Variants in RPS6KA3 observed in about 807,000 individuals in gnomAD.
RPS6KA3 encodes ribosomal protein S6 kinase A3.
RPS6KA3 carries 4 observed loss-of-function variants against 67.2 expected under a neutral mutation model. That is an observed-to-expected ratio of 0.06 (90% CI 0.03 to 0.14). RPS6KA3 has a LOEUF of 0.14. RPS6KA3 is among the 10% of genes least tolerant of loss of function. The pLI, the probability that RPS6KA3 is intolerant of heterozygous loss-of-function variation, is 1.00. For missense variants in RPS6KA3, 204 were observed against 559.0 expected (o/e 0.36, Z 6.40); for synonymous variants, 182 against 183.7 (o/e 0.99, Z 0.07).
intron 20 of RPS6KA3, among the ~76,000 whole-genome samples, chrX:20,158,935 CAT>C (rs1279942545): frequency 1.8e-5 from 2 of 111,711 alleles, no homozygotes; most frequent in African/African-American, 6.5e-5. Context: ...GACCTATAAC[CAT>C]ATAGACAGTT....
At chrX:20,223,329 C>G (rs1294900090) in intron 2 of RPS6KA3, among the ~76,000 whole-genome samples, 1 of 110,973 alleles carries the variant, frequency 9.0e-6, no homozygotes, top group African/African-American at 3.3e-5. Flanking sequence ...ACTTAAAGAC[C>G]ACAGAGTGAT....
rs183562126 is a variant in RPS6KA3, at chrX:20,194,123, C to T, written c.486+66G>A. 50 of 696,449 alleles carry T rather than the reference C, an allele frequency of 7.2e-5. No homozygotes were observed. The East Asian group carries it at 1.7e-3, about 23-fold the overall frequency. The allele number at this position is 696,449 out of a possible 1,213,427, so 57.4% of individuals were successfully genotyped here. On this transcript the variant is annotated intron_variant, in intron 6 of 21. Transcript: ENST00000379565. ...AAATACAGTAAGCATAATACTGAAA[C>T]ATAACAAAGCTTTAGTTCAAACAGG...
At position 20,153,279 on chromosome X, in the gene RPS6KA3, T is replaced by C. The variant is rs766570191; in HGVS notation, c.*2119A>G. On this transcript the variant is annotated 3_prime_UTR_variant, in exon 22 of 22. Coordinates refer to ENST00000379565, the MANE Select transcript of RPS6KA3 (RefSeq NM_004586.3). ...GGAAAGCAGCTTTTAATAGCATCCA[T>C]ATATTCAAGAATTTGAAAATACTTT... The C allele has an allele frequency of 8.9e-6, 1 of 112,366 alleles. No individual in the cohort carries two copies. Among genetic ancestry groups the C allele is most frequent in the Admixed American group, 9.4e-5 (1 of 10,613 alleles). 9.3% of individuals were successfully genotyped at this position (112,366 alleles called of 1,213,427 possible).
At chrX:20,246,494 A>G (rs2069694290) in intron 1 of RPS6KA3, among the ~76,000 whole-genome samples, 1 of 111,355 alleles carries the variant, frequency 9.0e-6, no homozygotes, top group African/African-American at 3.3e-5. Flanking sequence ...CCTTTAATAT[A>G]TTACTTGGGT....
intron 16 of RPS6KA3, among the ~76,000 whole-genome samples, chrX:20,168,132 AG>A (rs779004134): frequency 5.3e-5 from 6 of 112,271 alleles, no homozygotes; most frequent in Non-Finnish European, 9.4e-5. Flanking sequence ...GAGCATCATT[AG>A]CAAGAGAAGA....
intron 2 of RPS6KA3, among the ~76,000 whole-genome samples, chrX:20,213,024 T>TA (rs779217868): frequency 3.9e-4 from 44 of 111,738 alleles, no homozygotes; most frequent in African/African-American, 1.4e-3. Context: ...ACCAGGCTGT[T>TA]AAAAAACTCC....
intron 15 of RPS6KA3, among the ~76,000 whole-genome samples, chrX:20,171,225 G>T (rs2067565478): frequency 8.9e-6 from 1 of 112,164 alleles, no homozygotes; most frequent in Non-Finnish European, 1.9e-5. Flanking sequence ...TTAAGTTTTG[G>T]AGAGTCAAGT....
rs1169484682 is a variant in RPS6KA3 at position 20,266,759 on chromosome X, GGCAGCGGCA to G, written c.-136_-128del. 93 of 339,038 alleles carry G rather than the reference GGCAGCGGCA, an allele frequency of 2.7e-4. No homozygotes were observed. Among genetic ancestry groups the G allele is most frequent in the Non-Finnish European group, 3.3e-4 (88 of 263,952 alleles). The allele number at this position is 339,038 out of a possible 1,213,427, so 27.9% of individuals were successfully genotyped here. ...CGGCGGCGGCGGCGGCAGCGGCAGC[GGCAGCGGCA>G]GCAGCAGCAGCAGCGGCGGCGGCCC... is the stretch of plus-strand genomic sequence containing the variant. On this transcript the variant is annotated 5_prime_UTR_variant, in exon 1 of 22. Transcript: ENST00000379565.
intron 7 of RPS6KA3, among the ~76,000 whole-genome samples, chrX:20,191,847 A>G (rs1328404122): frequency 9.1e-6 from 1 of 109,881 alleles, no homozygotes; most frequent in African/African-American, 3.3e-5. Context: ...GCTCACTGCA[A>G]CCTCCACCTC....
chrX:20,248,048 A>C (rs1037445330), intron 1 of RPS6KA3, among the ~76,000 whole-genome samples: 1 of 111,131 alleles, frequency 9.0e-6, no homozygotes, highest in Admixed American at 9.5e-5. Context: ...CGCTATTATG[A>C]ATGAGATCTT....
intron 2 of RPS6KA3, among the ~76,000 whole-genome samples, chrX:20,210,501 T>G (rs2068685778): frequency 9.0e-6 from 1 of 111,604 alleles, no homozygotes; most frequent in Admixed American, 9.5e-5. Flanking sequence ...GTCCTTAGAA[T>G]GCTGGCAATA....
chrX:20,245,083 G>A (rs2069649451), intron 1 of RPS6KA3, among the ~76,000 whole-genome samples: 1 of 111,848 alleles, frequency 8.9e-6, no homozygotes, highest in South Asian at 3.7e-4. Flanking sequence ...TGTAATCCAT[G>A]AGTTCTATGG....
chrX:20,203,048 G>T (rs2068479949), intron 4 of RPS6KA3, among the ~76,000 whole-genome samples: 1 of 111,423 alleles, frequency 9.0e-6, no homozygotes, highest in African/African-American at 3.3e-5. Flanking sequence ...TCCATGGTGG[G>T]TAACTAATTG....
At chrX:20,157,408 G>A (rs1336291629) in intron 20 of RPS6KA3, among the ~76,000 whole-genome samples, 1 of 104,740 alleles carries the variant, frequency 9.5e-6, no homozygotes, top group African/African-American at 3.5e-5. Context: ...GGAGGCTGAG[G>A]CAGAGATCAT....
chrX:20,227,473 A>G (rs2069150798), intron 2 of RPS6KA3, among the ~76,000 whole-genome samples: 2 of 111,457 alleles, frequency 1.8e-5, no homozygotes, highest in Non-Finnish European at 3.8e-5. Flanking sequence ...CTAACTTTTG[A>G]TGCTGAAAAG....
chrX:20,221,144 T>A (rs1244542049), intron 2 of RPS6KA3, among the ~76,000 whole-genome samples: 1 of 111,567 alleles, frequency 9.0e-6, no homozygotes, highest in Admixed American at 9.5e-5. Flanking sequence ...GCACATCCCA[T>A]TGCCAGATTA....
intron 2 of RPS6KA3, among the ~76,000 whole-genome samples, chrX:20,211,283 C>A (rs1311794135): frequency 9.0e-6 from 1 of 111,373 alleles, no homozygotes; most frequent in African/African-American, 3.3e-5. Flanking sequence ...ACTCTAAAAA[C>A]AAACTGGTCT....
chrX:20,179,325 G>T (rs912769525), intron 10 of RPS6KA3, among the ~76,000 whole-genome samples: 1 of 111,303 alleles, frequency 9.0e-6, no homozygotes, highest in African/African-American at 3.3e-5. Context: ...CAGGTCTAAT[G>T]CCTGGTAAAT....
chrX:20,217,633 T>C (rs2068888541), intron 2 of RPS6KA3, among the ~76,000 whole-genome samples: 1 of 112,630 alleles, frequency 8.9e-6, no homozygotes, highest in Non-Finnish European at 1.9e-5. Context: ...TAACTATGGA[T>C]GTGTAACCAT....
Sources: allele counts gnomAD v4.1 joint callset (sites outside exome capture counted in the v4.1 genomes callset), GRCh38; gene constraint gnomAD v4.1.1; transcripts MANE v1.5; gene names NCBI Gene and HGNC (gene_info 2026-07-23, HGNC 2026-07-21).